ZC3H15: variants seen among roughly 807,000 people sequenced by gnomAD.
ZC3H15 encodes zinc finger CCCH-type containing 15.
In ZC3H15, 15 loss-of-function variants were observed where a neutral mutation model predicts 51.2. That is an observed-to-expected ratio of 0.29 (90% CI 0.20 to 0.45). ZC3H15 has a LOEUF of 0.45. Among genes scored for constraint, ZC3H15 ranks in the 20% least tolerant of loss-of-function variants. The pLI is 1.00. For missense variants in ZC3H15, 381 were observed against 494.7 expected (o/e 0.77, Z 2.18); for synonymous variants, 144 against 162.8 (o/e 0.88, Z 0.88).
chr2:186,493,657 G>T (rs755056032), intron 1 of ZC3H15, among the ~76,000 whole-genome samples: 1 of 152,108 alleles, frequency 6.6e-6, no homozygotes, highest in East Asian at 1.9e-4. Flanking sequence ...CTGGAGGCTA[G>T]AAGTCTGAAA....
chr2:186,487,626 C>T (rs1420455356), intron 1 of ZC3H15, among the ~76,000 whole-genome samples: 1 of 152,112 alleles, frequency 6.6e-6, no homozygotes, highest in Non-Finnish European at 1.5e-5. Context: ...AAAATATTAC[C>T]TTCACATCTG....
At chr2:186,488,109 A>G (rs1225711169) in intron 1 of ZC3H15, among the ~76,000 whole-genome samples, 1 of 152,164 alleles carries the variant, frequency 6.6e-6, no homozygotes. Context: ...TAACAACAAC[A>G]AAGTGGTGAA....
At chr2:186,500,708 C>T (rs1346559807) in intron 3 of ZC3H15, 2 of 455,466 alleles carry the variant, frequency 4.4e-6, no homozygotes, top group Non-Finnish European at 8.8e-6. Context: ...TGGATTGTTG[C>T]TCTGTCACCA....
At chr2:186,504,710 C>T (rs1013447619) in intron 6 of ZC3H15, among the ~76,000 whole-genome samples, 5 of 152,190 alleles carry the variant, frequency 3.3e-5, no homozygotes, top group Non-Finnish European at 7.4e-5. Flanking sequence ...TCTTTGGCTC[C>T]GTACAAAACA....
At position 186,500,210 on chromosome 2, in the gene ZC3H15, T is replaced by A. The variant is rs1359551386; in HGVS notation, c.206T>A (p.Leu69Ter). ...GCACAGAGTGAAGCTGAAAAGAAAT[T>A]GAAGAAGGATGACAAGAAGAAAGAA... ...QVAQSEAEKK[L>*]KKDDKKKELQ... Residue 69 changes from leucine (L) to a stop codon, truncating the protein, a stop_gained, in exon 3 of 10, where the codon TTG (leucine) becomes TAG (stop). Coordinates refer to ENST00000337859, the MANE Select transcript of ZC3H15 (RefSeq NM_018471.3). LOFTEE classifies it high-confidence loss of function. The A allele has an allele frequency of 6.2e-7, 1 of 1,613,494 alleles. No homozygotes were observed. Among genetic ancestry groups the A allele is most frequent in the South Asian group, 1.1e-5 (1 of 90,926 alleles).
At position 186,506,819 on chromosome 2, in the gene ZC3H15, A is replaced by G. The variant is rs1685474804; in HGVS notation, c.1073A>G (p.Tyr358Cys). 2 of 1,611,378 alleles carry G rather than the reference A, an allele frequency of 1.2e-6. No individual in the cohort carries two copies. The highest frequency in any genetic ancestry group is 2.7e-5 in the African/African-American group (2 of 74,860). ...GCCAGTCTTGAAAGATTCAGCACAT[A>G]TACTTCAGATAAAGATGGTAAGTAT... The part of the protein sequence containing the change: ...TVASLERFST[Y>C]TSDKDENKLS... The change falls in exon 9 of 10, where the codon TAT (tyrosine) becomes TGT (cysteine). Residue 358 changes from tyrosine (Y) to cysteine (C), a missense_variant. Transcript: ENST00000337859.
intron 7 of ZC3H15, 27 bp from the exon 8 acceptor site, chr2:186,505,713 A>C (rs1266319725): frequency 6.2e-7 from 1 of 1,609,286 alleles, no homozygotes; most frequent in South Asian, 1.1e-5. Flanking sequence ...TTTTGTCCTG[A>C]GTTGATATAT....
rs753910679 is a variant in ZC3H15 at position 186,508,627 on chromosome 2, C to T, written c.1175C>T (p.Thr392Met). 22 of 1,613,898 alleles carry T rather than the reference C, an allele frequency of 1.4e-5. No individual in the cohort carries two copies. The highest frequency in any genetic ancestry group is 9.9e-5 in the South Asian group (9 of 91,062). ...GAAGAGGACAACGAGAGGGAGGGAACGGAAAATGGAGCCATTGATGCTGTT... is the reference window on the plus strand; with the variant it reads ...GAAGAGGACAACGAGAGGGAGGGAATGGAAAATGGAGCCATTGATGCTGTT... ...DLEEDNEREG[T>M]ENGAIDAVPV... The change falls in exon 10 of 10, where the codon ACG (threonine) becomes ATG (methionine). Residue 392 changes from threonine (T) to methionine (M), a missense_variant. Transcript: ENST00000337859.
intron 2 of ZC3H15, chr2:186,497,057 A>G: frequency 2.6e-6 from 1 of 377,388 alleles, no homozygotes; most frequent in Non-Finnish European, 5.1e-6. Context: ...AAAAAAATGT[A>G]GCCCCTTTTT....
At chr2:186,506,906 G>T in intron 9 of ZC3H15, 70 bp downstream of exon 9, 1 of 1,515,116 alleles carries the variant, frequency 6.6e-7, no homozygotes, top group Non-Finnish European at 8.9e-7. Flanking sequence ...ACCAGGCTTG[G>T]CAAACTTAGA....
intron 8 of ZC3H15, chr2:186,506,155 A>G (rs1380524746): frequency 2.5e-6 from 1 of 393,094 alleles, no homozygotes; most frequent in African/African-American, 2.0e-5. Flanking sequence ...CTCCCTCTAA[A>G]AGAGAGAGTT....
chr2:186,490,304 G>A (rs1269104434), intron 1 of ZC3H15, among the ~76,000 whole-genome samples: 2 of 152,102 alleles, frequency 1.3e-5, no homozygotes, highest in East Asian at 3.9e-4. Context: ...TAGAAAGTTT[G>A]AATATGGAAA....
At chr2:186,507,518 A>G (rs186093722) in intron 9 of ZC3H15, 149 of 456,128 alleles carry the variant, frequency 3.3e-4, no homozygotes, top group African/African-American at 2.1e-3. Flanking sequence ...TATAGAAGCA[A>G]TACATGAAAG....
chr2:186,487,205 C>T (rs1574420010), intron 1 of ZC3H15: 1 of 152,020 alleles, frequency 6.6e-6, no homozygotes, highest in South Asian at 2.1e-4. Context: ...TATATATATT[C>T]GTTTAACACA....
Position 186,499,522 on chromosome 2 carries a change from G to A in ZC3H15, c.178-660G>A. 3 of 451,858 alleles carry A rather than the reference G, an allele frequency of 6.6e-6. No homozygotes were observed. The Admixed American group carries it at 7.2e-5, about 11-fold the overall frequency. 28.0% of individuals were successfully genotyped at this position (451,858 alleles called of 1,614,324 possible). Reference sequence around the variant, plus strand: ...TTGTTCCCAGAGCACTATGTACTATGTTACAGTTGTTGACATGTCTGTCAT... The same window carrying A: ...TTGTTCCCAGAGCACTATGTACTATATTACAGTTGTTGACATGTCTGTCAT... On this transcript the variant is annotated intron_variant, in intron 2 of 9. Coordinates refer to ENST00000337859, the MANE Select transcript of ZC3H15 (RefSeq NM_018471.3).
rs1486119036 is a variant in ZC3H15, at chr2:186,504,210, G to A, written c.713G>A (p.Arg238Lys). 3.8e-6 allele frequency: 6 copies of A among 1,587,082 alleles called. No individual in the cohort carries two copies. Among genetic ancestry groups the A allele is most frequent in the African/African-American group, 1.4e-5 (1 of 73,854 alleles). Residue 238 changes from arginine to lysine, a missense_variant, in exon 6 of 10, where the codon AGA (arginine) becomes AAA (lysine). This residue lies in a region of ZC3H15 where 215 missense variants were observed against 241.8 expected (regional missense o/e 0.89). Coordinates refer to ENST00000337859, the MANE Select transcript of ZC3H15 (RefSeq NM_018471.3). Reference sequence around the variant, plus strand: ...ATTTCATTAGAAGATCTAATTGAGAGAGAGGTAACTGGTATCCTTTTCCTA... The same window carrying A: ...ATTTCATTAGAAGATCTAATTGAGAAAGAGGTAACTGGTATCCTTTTCCTA... ...DEISLEDLIE[R>K]ERSALGPNVT...
intron 1 of ZC3H15, among the ~76,000 whole-genome samples, chr2:186,489,794 G>C (rs921490144): frequency 9.9e-5 from 15 of 152,176 alleles, no homozygotes; most frequent in African/African-American, 3.4e-4. Flanking sequence ...TAGCTTTGGA[G>C]TCAGAGACCT....
intron 1 of ZC3H15, among the ~76,000 whole-genome samples, chr2:186,494,787 A>G (rs1310623425): frequency 6.6e-6 from 1 of 152,128 alleles, no homozygotes; most frequent in East Asian, 1.9e-4. Context: ...ACTTGGACAC[A>G]GGAAGGGGAA....
chr2:186,495,637 C>T (rs1433334031), intron 2 of ZC3H15, among the ~76,000 whole-genome samples: 1 of 152,180 alleles, frequency 6.6e-6, no homozygotes, highest in East Asian at 1.9e-4. Flanking sequence ...ACTAAGACCA[C>T]CTGTAGAAAT....
Sources: gnomAD v4.1 joint callset for allele counts (sites outside exome capture counted in the v4.1 genomes callset) on GRCh38, gnomAD v4.1.1 for gene constraint, gnomAD v4.1.1 regional missense constraint, MANE v1.5 for transcripts, NCBI Gene and HGNC (gene_info 2026-07-23, HGNC 2026-07-21) for gene names.